ANAPC1: variants seen among roughly 807,000 people sequenced by gnomAD.
ANAPC1 encodes the protein anaphase-promoting complex subunit 1.
Under a neutral mutation model 208.0 loss-of-function variants are expected in ANAPC1, and 36 were observed. That is an observed-to-expected ratio of 0.17 (90% CI 0.13 to 0.23). The LOEUF is 0.23. Among genes scored for constraint, ANAPC1 ranks in the 10% least tolerant of loss-of-function variants. The pLI is 1.00. For missense variants in ANAPC1, 942 were observed against 2,011.6 expected (o/e 0.47, Z 10.17); for synonymous variants, 378 against 695.2 (o/e 0.54, Z 7.18).
chr2:111,781,625 T>C (rs1284460077), intron 43 of ANAPC1, among the ~76,000 whole-genome samples: 6 of 152,414 alleles, frequency 3.9e-5, no homozygotes, highest in Admixed American at 3.9e-4. Flanking sequence ...TAATTATTCC[T>C]TAGGGTCCTA....
intron 29 of ANAPC1, among the ~76,000 whole-genome samples, chr2:111,806,254 G>A (rs1192853434): frequency 2.6e-5 from 2 of 75,520 alleles, no homozygotes; most frequent in African/African-American, 1.1e-4. Context: ...CATCTGGGCC[G>A]GGTGTGCTGG....
chr2:111,857,921 C>G (rs910645446), intron 11 of ANAPC1, among the ~76,000 whole-genome samples: 1 of 151,930 alleles, frequency 6.6e-6, no homozygotes, highest in African/African-American at 2.4e-5. Context: ...AAAAACATCA[C>G]GCTAAGTGAA....
intron 1 of ANAPC1, among the ~76,000 whole-genome samples, chr2:111,882,047 G>C (rs185999842): frequency 5.9e-5 from 9 of 152,202 alleles, no homozygotes; most frequent in African/African-American, 2.2e-4. Flanking sequence ...AGCTGGACTT[G>C]GTGGCGGGCA....
At chr2:111,864,463 C>CT (rs1156702851) in intron 8 of ANAPC1, among the ~76,000 whole-genome samples, 1,632 of 95,184 alleles carry the variant, frequency 0.017, 204 homozygotes, top group African/African-American at 0.055. Context: ...TATATATATA[C>CT]TTTTTTTTTT....
At chr2:111,849,419 A>G (rs1272016808) in intron 14 of ANAPC1, among the ~76,000 whole-genome samples, 2 of 152,070 alleles carry the variant, frequency 1.3e-5, no homozygotes, top group Non-Finnish European at 2.9e-5. Context: ...GGTTTGAAGG[A>G]AAAAAAATTC....
intron 46 of ANAPC1, among the ~76,000 whole-genome samples, chr2:111,773,578 G>A (rs1470464208): frequency 7.2e-5 from 11 of 152,008 alleles, no homozygotes; most frequent in South Asian, 2.1e-4. Context: ...GAGCATGAGC[G>A]GGCAGGCTAA....
Position 111,834,645 on chromosome 2 carries a change from T to A in ANAPC1, c.2343A>T (p.Glu781Asp), listed in dbSNP as rs371417707. The A allele has an allele frequency of 6.2e-7, 1 of 1,609,566 alleles. No individual in the cohort carries two copies. Among genetic ancestry groups the A allele is most frequent in the Non-Finnish European group, 8.5e-7 (1 of 1,178,316 alleles). ...GAAGTTCAACAAGTGAACAAATTCC[T>A]TCTCCCATTAGAGTATTCAACTTAA... ...EELKLNTLMG[E>D]GICSLVELLV... Residue 781 changes from glutamate to aspartate, a missense_variant, in exon 19 of 48, where the codon GAA (glutamate) becomes GAT (aspartate). By Grantham distance (45) the Glu-to-Asp change is conservative. Transcript: ENST00000341068.
At chr2:111,777,318 C>A (rs1252647666) in intron 45 of ANAPC1, among the ~76,000 whole-genome samples, 5 of 152,116 alleles carry the variant, frequency 3.3e-5, no homozygotes, top group Non-Finnish European at 5.9e-5. Context: ...CTTGGCTCAA[C>A]AGCTCCGAAT....
chr2:111,882,807 C>T (rs937092817), intron 1 of ANAPC1, among the ~76,000 whole-genome samples: 7 of 151,784 alleles, frequency 4.6e-5, no homozygotes, highest in African/African-American at 1.7e-4. Flanking sequence ...TTTTGTTCTT[C>T]CTCCTGCTAG....
intron 14 of ANAPC1, among the ~76,000 whole-genome samples, chr2:111,849,320 A>G (rs1681264452): frequency 6.6e-6 from 1 of 152,132 alleles, no homozygotes. Context: ...GTTGGAAACC[A>G]TTTTCCATTA....
chr2:111,851,278 T>A (rs1247412789), intron 13 of ANAPC1, among the ~76,000 whole-genome samples: 1 of 152,088 alleles, frequency 6.6e-6, no homozygotes, highest in African/African-American at 2.4e-5. Context: ...AATTTTGTAT[T>A]TTTTGGTAGA....
chr2:111,825,905 C>G, intron 21 of ANAPC1, 50 bp from the exon 22 acceptor site: 1 of 1,569,006 alleles, frequency 6.4e-7, no homozygotes, highest in Non-Finnish European at 8.7e-7. Flanking sequence ...GAGACAGCAT[C>G]TCACTTTGTC....
chr2:111,833,156 T>C (rs961387160), intron 20 of ANAPC1, 64 bp downstream of exon 20: 1 of 1,522,614 alleles, frequency 6.6e-7, no homozygotes, highest in Non-Finnish European at 8.9e-7. Flanking sequence ...TGCTATTCAA[T>C]GAGAAAGATA....
At chr2:111,791,706 A>T (rs1196504183) in intron 38 of ANAPC1, among the ~76,000 whole-genome samples, 1 of 152,180 alleles carries the variant, frequency 6.6e-6, no homozygotes, top group African/African-American at 2.4e-5. Context: ...AATCAACGTA[A>T]GGTGTTAGAA....
intron 33 of ANAPC1, among the ~76,000 whole-genome samples, chr2:111,801,414 C>T (rs1336600295): frequency 8.0e-6 from 1 of 125,308 alleles, no homozygotes; most frequent in African/African-American, 3.1e-5. Context: ...TGCCAAACAA[C>T]ACAGCTTGGC....
rs573136407 is a variant in ANAPC1, at chr2:111,775,696, T to C, written c.5584+1163A>G. The stretch of plus-strand genomic sequence containing the variant: ...TGTTCTAATCACTGCCAAAGTTCCA[T>C]ACATTATATGAAATGTGCAAATCAG... On this transcript the variant is annotated intron_variant, in intron 46 of 47. Transcript: ENST00000341068. Among the ~76,000 whole-genome samples, 1,237 of 152,202 alleles carry C rather than the reference T, an allele frequency of 8.1e-3. 2 individuals are homozygous for C. The highest frequency in any genetic ancestry group is 0.012 in the Non-Finnish European group (802 of 67,974).
intron 6 of ANAPC1, 129 bp from the exon 7 acceptor site, chr2:111,868,225 T>C: frequency 1.8e-6 from 1 of 548,736 alleles, no homozygotes. Flanking sequence ...AAATGCAATC[T>C]TCTAAACTTT....
At chr2:111,878,674 T>C (rs1683141802) in intron 3 of ANAPC1, 136 bp downstream of exon 3, 1 of 1,307,546 alleles carries the variant, frequency 7.6e-7, no homozygotes, top group Non-Finnish European at 1.0e-6. Context: ...TCACATTATA[T>C]TATGTCATGT....
chr2:111,880,242 C>T (rs1683229197), intron 2 of ANAPC1, among the ~76,000 whole-genome samples: 1 of 151,864 alleles, frequency 6.6e-6, no homozygotes, highest in Non-Finnish European at 1.5e-5. Flanking sequence ...GGTGGTGGTG[C>T]ATGCCTGTAA....
Sources: gnomAD v4.1 joint callset for allele counts (sites outside exome capture counted in the v4.1 genomes callset) on GRCh38, gnomAD v4.1.1 for gene constraint, MANE v1.5 for transcripts, NCBI Gene and HGNC (gene_info 2026-07-23, HGNC 2026-07-21) for gene names.